The following CCSER1 variants were observed in gnomAD, a reference collection of about 807,000 sequenced individuals.
CCSER1 encodes coiled-coil serine rich protein 1.
CCSER1 carries 41 observed loss-of-function variants against 82.0 expected under a neutral mutation model. The observed-to-expected ratio is 0.50, with a 90% confidence interval of 0.39 to 0.65. CCSER1 has a LOEUF of 0.65. CCSER1 is among the 30% of genes least tolerant of loss of function. CCSER1 has a pLI of 0.00. For missense variants in CCSER1, 1,119 were observed against 1,064.2 expected, an observed-to-expected ratio of 1.05 and a Z score of -0.72; for synonymous variants, 414 against 383.9, an observed-to-expected ratio of 1.08 and a Z score of -0.92.
chr4:90,881,629 C>A (rs988934850), intron 8 of CCSER1, among the ~76,000 whole-genome samples: 3 of 150,570 alleles, frequency 2.0e-5, no homozygotes, highest in Non-Finnish European at 1.5e-5. Flanking sequence ...ACAACAACAA[C>A]AAAAAATTGG....
At chr4:90,613,299 G>C (rs1720595691) in intron 5 of CCSER1, among the ~76,000 whole-genome samples, 1 of 152,130 alleles carries the variant, frequency 6.6e-6, no homozygotes, top group Non-Finnish European at 1.5e-5. Context: ...TAGAAGCAGG[G>C]CTAGCCTCAT....
intron 5 of CCSER1, among the ~76,000 whole-genome samples, chr4:90,610,041 A>G (rs555621716): frequency 1.3e-5 from 2 of 152,222 alleles, no homozygotes; most frequent in African/African-American, 4.8e-5. Flanking sequence ...TCACGAGGTC[A>G]GGAGATTTGA....
intron 5 of CCSER1, among the ~76,000 whole-genome samples, chr4:90,626,365 G>A (rs188321164): frequency 2.0e-4 from 30 of 152,106 alleles, no homozygotes; most frequent in South Asian, 4.1e-4. Context: ...TATACCTACC[G>A]TGACTTCTAA....
chr4:90,262,646 C>T (rs1269984725), intron 1 of CCSER1, among the ~76,000 whole-genome samples: 1 of 151,950 alleles, frequency 6.6e-6, no homozygotes, highest in African/African-American at 2.4e-5. Flanking sequence ...GGCAGGGATC[C>T]CAGCCTTGAT....
intron 10 of CCSER1, among the ~76,000 whole-genome samples, chr4:91,251,252 G>A (rs1022425530): frequency 6.6e-6 from 1 of 152,106 alleles, no homozygotes; most frequent in African/African-American, 2.4e-5. Flanking sequence ...CCTTGCTCCT[G>A]GCTTGTTGAT....
chr4:90,930,652 G>A (rs569406449), intron 9 of CCSER1, among the ~76,000 whole-genome samples: 5 of 151,434 alleles, frequency 3.3e-5, no homozygotes, highest in African/African-American at 9.7e-5. Context: ...AGTCCTTACA[G>A]AAAGAATTTT....
intron 9 of CCSER1, among the ~76,000 whole-genome samples, chr4:90,964,642 A>G (rs1026117410): frequency 4.8e-5 from 7 of 146,420 alleles, no homozygotes; most frequent in South Asian, 2.3e-4. Flanking sequence ...GGAGAATGGC[A>G]TGAACCCGGG....
intron 1 of CCSER1, among the ~76,000 whole-genome samples, chr4:90,302,606 G>T (rs1733369005): frequency 6.6e-6 from 1 of 152,076 alleles, no homozygotes; most frequent in African/African-American, 2.4e-5. Flanking sequence ...TTTGAGATCA[G>T]CCTGTGCAAC....
intron 9 of CCSER1, among the ~76,000 whole-genome samples, chr4:91,002,512 C>A (rs781243155): frequency 4.6e-5 from 7 of 152,142 alleles, no homozygotes; most frequent in Non-Finnish European, 1.0e-4. Context: ...CTCAGAAGTT[C>A]TTTATTCTGC....
intron 3 of CCSER1, among the ~76,000 whole-genome samples, chr4:90,382,096 A>G (rs1000004557): frequency 2.0e-5 from 3 of 152,146 alleles, no homozygotes; most frequent in South Asian, 4.1e-4. Flanking sequence ...TGGATAAAAT[A>G]AAAACATTTG....
At chr4:91,004,539 G>A (rs1005752136) in intron 9 of CCSER1, among the ~76,000 whole-genome samples, 1 of 152,174 alleles carries the variant, frequency 6.6e-6, no homozygotes, top group African/African-American at 2.4e-5. Context: ...TTACTTTCTT[G>A]AGTTCTATGT....
intron 4 of CCSER1, among the ~76,000 whole-genome samples, chr4:90,408,236 T>C (rs936444641): frequency 6.6e-6 from 1 of 152,146 alleles, no homozygotes; most frequent in Non-Finnish European, 1.5e-5. Flanking sequence ...AAGACAGCAA[T>C]AACCTCTGCA....
chr4:90,911,522 A>G (rs1561347861), intron 8 of CCSER1, among the ~76,000 whole-genome samples: 1 of 152,120 alleles, frequency 6.6e-6, no homozygotes. Flanking sequence ...GCCAAATAGG[A>G]ACAGCTTCAG....
intron 5 of CCSER1, among the ~76,000 whole-genome samples, chr4:90,553,064 G>A (rs915046891): frequency 1.3e-5 from 2 of 150,942 alleles, no homozygotes; most frequent in African/African-American, 4.9e-5. Flanking sequence ...TCCACCTCCC[G>A]GGTTCAAGAG....
intron 8 of CCSER1, among the ~76,000 whole-genome samples, chr4:90,904,063 T>A (rs1022093353): frequency 5.9e-5 from 9 of 152,112 alleles, no homozygotes; most frequent in Non-Finnish European, 1.0e-4. Context: ...GAGATCTTTT[T>A]ATATGTTTAT....
chr4:90,921,755 T>C (rs1448067145), intron 8 of CCSER1, among the ~76,000 whole-genome samples: 1 of 152,028 alleles, frequency 6.6e-6, no homozygotes, highest in African/African-American at 2.4e-5. Flanking sequence ...TAGACTCTAA[T>C]TCATACAAAA....
intron 6 of CCSER1, among the ~76,000 whole-genome samples, chr4:90,701,525 G>C (rs530224556): frequency 6.6e-6 from 1 of 152,306 alleles, no homozygotes; most frequent in South Asian, 2.1e-4. Flanking sequence ...TGTGAGGAAA[G>C]TCATTTGTAG....
At chr4:91,025,688 C>T (rs1349269705) in intron 9 of CCSER1, among the ~76,000 whole-genome samples, 1 of 152,132 alleles carries the variant, frequency 6.6e-6, no homozygotes, top group Non-Finnish European at 1.5e-5. Context: ...GAGAAATACC[C>T]ACTGCACTGA....
intron 9 of CCSER1, among the ~76,000 whole-genome samples, chr4:90,948,863 G>A (rs906303074): frequency 6.6e-6 from 1 of 151,722 alleles, no homozygotes; most frequent in African/African-American, 2.4e-5. Flanking sequence ...CAGTGTGTTG[G>A]GTCCTTAGGC....
Sources: allele counts gnomAD v4.1 joint callset (sites outside exome capture counted in the v4.1 genomes callset), GRCh38; gene constraint gnomAD v4.1.1; transcripts MANE v1.5; gene names NCBI Gene and HGNC (gene_info 2026-07-23, HGNC 2026-07-21).